Variants in DGKI observed in about 807,000 individuals in gnomAD.
The protein encoded by DGKI is diacylglycerol kinase iota.
A neutral mutation model predicts 147.5 loss-of-function variants in DGKI; 55 were observed. The ratio of observed to expected loss-of-function variants is 0.37; its 90% CI spans 0.30 to 0.47. The LOEUF (loss-of-function observed/expected upper bound fraction) is 0.47, where lower values mean the gene tolerates loss of function less well. DGKI is among the 20% of genes least tolerant of loss of function. DGKI has a pLI of 1.00. For synonymous variants in DGKI, 469 were observed against 477.1 expected (o/e 0.98, Z 0.22); for missense variants, 1,007 against 1,323.8 (o/e 0.76, Z 3.71).
At chr7:137,600,049 T>C (rs10274366) in intron 10 of DGKI, 144 bp from the exon 11 acceptor site, 17,346 of 671,472 alleles carry the variant, frequency 0.026, 762 homozygotes, top group African/African-American at 0.14. Context: ...CTTGGAAGGC[T>C]GACGCAGGTG....
chr7:137,573,608 T>G (rs1232090346), intron 17 of DGKI, among the ~76,000 whole-genome samples: 5 of 152,220 alleles, frequency 3.3e-5, no homozygotes, highest in Non-Finnish European at 7.3e-5. Flanking sequence ...TTTCACCATG[T>G]TGGCCAGACT....
intron 27 of DGKI, among the ~76,000 whole-genome samples, chr7:137,453,949 C>G (rs560673876): frequency 6.6e-6 from 1 of 150,526 alleles, no homozygotes; most frequent in East Asian, 1.9e-4. Context: ...AAATAGATTC[C>G]TATATTTAGA....
chr7:137,668,391 G>A lies in DGKI; in HGVS notation c.606+10166C>T, dbSNP rs541628533. The stretch of plus-strand genomic sequence containing the variant: ...CATGTGTTAAATCTCCCTCTAAAGA[G>A]TCTTAAAAAGGAGGCAGGAATTCAG... On this transcript the variant is annotated intron_variant, in intron 3 of 32. Coordinates refer to ENST00000614521, the MANE Select transcript of DGKI (RefSeq NM_001321708.2). 2.6e-5 allele frequency among the ~76,000 whole-genome samples: 4 copies of A among 152,324 alleles called. No individual in the cohort carries two copies. The East Asian group carries it at 5.8e-4, about 22-fold the overall frequency.
rs751744044 is a variant in DGKI, at chr7:137,469,629, G to GAC, written c.2374-12_2374-11dup. The GAC allele has an allele frequency of 1.2e-6, 2 of 1,613,410 alleles. No homozygotes were observed. Among genetic ancestry groups the GAC allele is most frequent in the Non-Finnish European group, 8.5e-7 (1 of 1,179,556 alleles). On this transcript the variant is annotated splice_polypyrimidine_tract_variant and intron_variant, in intron 23 of 32. Coordinates refer to ENST00000614521, the MANE Select transcript of DGKI (RefSeq NM_001321708.2). Reference sequence around the variant, plus strand: ...AGGAGGTTTCATGGTCCTGGAAAGAGACACACACACTCTAGTGGCTGCATT... The same window carrying GAC: ...AGGAGGTTTCATGGTCCTGGAAAGAGACACACACACACTCTAGTGGCTGCATT...
At chr7:137,531,639 G>C (rs971815570) in intron 20 of DGKI, among the ~76,000 whole-genome samples, 9 of 152,166 alleles carry the variant, frequency 5.9e-5, no homozygotes, top group African/African-American at 1.9e-4. Flanking sequence ...CTATGTATCA[G>C]AGGGATCTCT....
intron 29 of DGKI, among the ~76,000 whole-genome samples, chr7:137,410,222 G>A (rs1267377588): frequency 4.6e-5 from 7 of 152,058 alleles, no homozygotes; most frequent in Admixed American, 2.0e-4. Flanking sequence ...TGGCTAACAC[G>A]GTGAAACCCC....
At chr7:137,606,186 T>G (rs1820179123) in intron 10 of DGKI, among the ~76,000 whole-genome samples, 1 of 152,138 alleles carries the variant, frequency 6.6e-6, no homozygotes, top group East Asian at 1.9e-4. Context: ...TCCCAATACA[T>G]TCCTTCAAAA....
chr7:137,554,821 A>G (rs1818166477), intron 19 of DGKI, among the ~76,000 whole-genome samples: 1 of 152,110 alleles, frequency 6.6e-6, no homozygotes, highest in Non-Finnish European at 1.5e-5. Flanking sequence ...GATCAAGCGC[A>G]AGAGATCATC....
At chr7:137,769,014 GT>G (rs1358673166) in intron 1 of DGKI, among the ~76,000 whole-genome samples, 2 of 152,120 alleles carry the variant, frequency 1.3e-5, no homozygotes, top group East Asian at 3.9e-4. Context: ...TTCTGAAGAA[GT>G]CAGAAAAAAA....
At chr7:137,486,473 T>G (rs903348703) in intron 22 of DGKI, among the ~76,000 whole-genome samples, 1 of 152,086 alleles carries the variant, frequency 6.6e-6, no homozygotes, top group Non-Finnish European at 1.5e-5. Context: ...TACTAGAAGT[T>G]TGGGAACATA....
chr7:137,426,579 G>T (rs553699472), intron 28 of DGKI, among the ~76,000 whole-genome samples: 9 of 152,212 alleles, frequency 5.9e-5, no homozygotes, highest in Middle Eastern at 3.4e-3. Context: ...TGGACTAAAT[G>T]CTCCAATTAA....
chr7:137,632,316 G>C (rs1821148519), intron 6 of DGKI, among the ~76,000 whole-genome samples: 2 of 152,190 alleles, frequency 1.3e-5, no homozygotes, highest in African/African-American at 2.4e-5. Context: ...AGTTTTCAAA[G>C]ACAGAATCCA....
At position 137,831,115 on chromosome 7, in the gene DGKI, G is replaced by A. The variant is rs140784383; in HGVS notation, c.401+15347C>T. ...TCTCTAACAATTAGAATTGACCAAC[G>A]GCGTAACTATGCCCCTAATGTATCC... On this transcript the variant is annotated intron_variant, in intron 1 of 32. Transcript: ENST00000614521. Among the ~76,000 whole-genome samples, 161 of 152,200 alleles carry A rather than the reference G, an allele frequency of 1.1e-3. 2 individuals carry two copies. The East Asian group carries it at 0.027, about 25-fold the overall frequency.
rs115652919 is a variant in DGKI, at chr7:137,435,882, T to G, written c.2761+8195A>C. Reference sequence around the variant, plus strand: ...GCAACCTCTGCCTCCTGGGTTCAAATGCTTCTCTTCCCTCAGCCTTCCAAG... The same window carrying G: ...GCAACCTCTGCCTCCTGGGTTCAAAGGCTTCTCTTCCCTCAGCCTTCCAAG... On this transcript the variant is annotated intron_variant, in intron 28 of 32. Coordinates refer to ENST00000614521, the MANE Select transcript of DGKI (RefSeq NM_001321708.2). Among the ~76,000 whole-genome samples, 792 of 152,288 alleles carry G rather than the reference T, an allele frequency of 5.2e-3. 3 individuals are homozygous for G. The highest frequency in any genetic ancestry group is 0.018 in the African/African-American group (754 of 41,570).
At chr7:137,659,980 A>G (rs1822367381) in intron 3 of DGKI, among the ~76,000 whole-genome samples, 1 of 152,254 alleles carries the variant, frequency 6.6e-6, no homozygotes, top group Admixed American at 6.5e-5. Flanking sequence ...ACATTGGGAC[A>G]CAGTTGTTAT....
At chr7:137,831,582 T>C (rs563755591) in intron 1 of DGKI, among the ~76,000 whole-genome samples, 49 of 152,310 alleles carry the variant, frequency 3.2e-4, no homozygotes, top group African/African-American at 9.6e-4. Context: ...TTACCTCCCA[T>C]CGGGCTCATT....
intron 1 of DGKI, among the ~76,000 whole-genome samples, chr7:137,817,745 A>G (rs2117022400): frequency 6.6e-6 from 1 of 152,370 alleles, no homozygotes; most frequent in South Asian, 2.1e-4. Context: ...TAAGAGTCCT[A>G]TGAATGTAGA....
chr7:137,822,890 T>C (rs975690950), intron 1 of DGKI, among the ~76,000 whole-genome samples: 2 of 151,444 alleles, frequency 1.3e-5, no homozygotes, highest in South Asian at 4.2e-4. Flanking sequence ...AGTGAAAGGA[T>C]GGCAAACAAA....
At chr7:137,481,690 A>G (rs950961430) in intron 23 of DGKI, among the ~76,000 whole-genome samples, 1 of 152,118 alleles carries the variant, frequency 6.6e-6, no homozygotes, top group African/African-American at 2.4e-5. Flanking sequence ...GGAAGAAACC[A>G]AAGCAATGAA....
Sources: allele counts gnomAD v4.1 joint callset (sites outside exome capture counted in the v4.1 genomes callset), GRCh38; gene constraint gnomAD v4.1.1; transcripts MANE v1.5; gene names NCBI Gene and HGNC (gene_info 2026-07-23, HGNC 2026-07-21).